WFDC3: variants seen among roughly 807,000 people sequenced by gnomAD.
The protein encoded by WFDC3 is WAP four-disulfide core domain 3.
Under a neutral mutation model 25.8 loss-of-function variants are expected in WFDC3, and 15 were observed. That is an observed-to-expected ratio of 0.58 (90% CI 0.39 to 0.89). The LOEUF is 0.89. WFDC3 is among the 40% of genes least tolerant of loss of function. WFDC3 has a pLI of 0.00. For synonymous variants in WFDC3, 103 were observed against 107.1 expected (o/e 0.96, Z 0.24); for missense variants, 264 against 289.8 (o/e 0.91, Z 0.65).
rs533287664 is a variant in WFDC3, at chr20:45,777,714, G to A, written c.359-505C>T. Among the ~76,000 whole-genome samples the A allele has an allele frequency of 3.3e-5, 5 of 152,260 alleles. No homozygotes were observed. In the East Asian group the frequency reaches 9.7e-4, roughly 29 times the overall value. On this transcript the variant is annotated intron_variant, in intron 4 of 6. Coordinates refer to ENST00000243938, the MANE Select transcript of WFDC3 (RefSeq NM_080614.2). ...TATTTATTTATTTTGTAGAGACAGA[G>A]TCTCACTATGTTCCCTAGGCTGATA...
At chr20:45,783,797 A>C (rs1980552607) in intron 4 of WFDC3, among the ~76,000 whole-genome samples, 1 of 152,192 alleles carries the variant, frequency 6.6e-6, no homozygotes, top group African/African-American at 2.4e-5. Context: ...AATTTTTCAT[A>C]GCCCTGGAAG....
Position 45,777,155 on chromosome 20 carries a change from T to A in WFDC3, c.413A>T (p.Asp138Val), listed in dbSNP as rs1360553632. 6 of 1,605,802 alleles carry A rather than the reference T, an allele frequency of 3.7e-6. No homozygotes were observed. The highest frequency in any genetic ancestry group is 1.3e-5 in the African/African-American group (1 of 74,412). Residue 138 changes from aspartate (D) to valine (V), a missense_variant, in exon 5 of 7, where the codon GAT (aspartate) becomes GTT (valine). By Grantham distance (152) the Asp-to-Val change is radical. Transcript: ENST00000243938. ...CCCCTGGGGACAGGATGCATCCCCA[T>A]CACACAGCTCCTCACACGGAAGGGG... ...ADPLPCEELCDGDASCPQGHK... is the reference protein window; with the variant it reads ...ADPLPCEELCVGDASCPQGHK...
At chr20:45,790,911 A>T (rs773541253) in intron 1 of WFDC3, 29 of 471,026 alleles carry the variant, frequency 6.2e-5, no homozygotes, top group Non-Finnish European at 1.0e-4. Context: ...TATGACTCAA[A>T]TAGTCTGCCC....
At chr20:45,776,637 T>A (rs200936102) in intron 5 of WFDC3, among the ~76,000 whole-genome samples, 3,175 of 78,996 alleles carry the variant, frequency 0.04, 66 homozygotes, top group East Asian at 0.084. Context: ...AAAAAAAAAA[T>A]ATATATATAT....
Position 45,774,253 on chromosome 20 carries a change from C to T in WFDC3, c.*175G>A. On this transcript the variant is annotated 3_prime_UTR_variant, in exon 7 of 7. Transcript: ENST00000243938. ...ATCGGGAAAGAGAAGCACCACACACCCACTACCCAATCCAGGGCTATTTCC... is the reference window on the plus strand; with the variant it reads ...ATCGGGAAAGAGAAGCACCACACACTCACTACCCAATCCAGGGCTATTTCC... The T allele has an allele frequency of 1.2e-6, 1 of 814,174 alleles. No individual in the cohort carries two copies. Among genetic ancestry groups the T allele is most frequent in the Admixed American group, 2.3e-5 (1 of 43,896 alleles). The allele number at this position is 814,174 out of a possible 1,614,324, so 50.4% of individuals were successfully genotyped here. A position where few individuals can be genotyped will look rare whatever the true frequency, so the allele number is the denominator to read the frequency against.
Position 45,789,925 on chromosome 20 carries a change from A to G in WFDC3, c.51T>C (p.Ser17=), listed in dbSNP as rs3746493. 1,055,795 of 1,613,198 alleles carry G rather than the reference A, an allele frequency of 0.65. 347,808 individuals carry two copies. Among genetic ancestry groups the G allele is most frequent in the Admixed American group, 0.77 (45,961 of 59,958 alleles). ...CTCCTGCAGTTATCCAGGATTCCAG[A>G]GACCCAAGAGCAAGAAGTGCCTTCA... is the stretch of plus-strand genomic sequence containing the variant. The part of the protein sequence containing the change: ...FLLKALLALG[S]LESWITAGEH... Residue 17 remains serine (S), a synonymous_variant, in exon 2 of 7, where the codon TCT becomes TCC. Coordinates refer to ENST00000243938, the MANE Select transcript of WFDC3 (RefSeq NM_080614.2).
intron 5 of WFDC3, among the ~76,000 whole-genome samples, chr20:45,776,654 A>G (rs1270100149): frequency 1.1e-4 from 12 of 111,344 alleles, no homozygotes; most frequent in Admixed American, 7.0e-4. Context: ...ATATATATAT[A>G]TATATATGTG....
chr20:45,775,924 C>T (rs1220787247), intron 5 of WFDC3, among the ~76,000 whole-genome samples: 2 of 152,176 alleles, frequency 1.3e-5, no homozygotes, highest in African/African-American at 4.8e-5. Context: ...CCCCCTCCCC[C>T]TATGCTCTGG....
rs1275219936 is a variant in WFDC3 at position 45,788,236 on chromosome 20, A to G, written c.212-254T>C. On this transcript the variant is annotated intron_variant, in intron 3 of 6. Transcript: ENST00000243938. ...GGAGAATCACTTGAACCCGGGAGGC[A>G]GAGGTTGCGGTGAGCCGAGATCACG... 35 of 281,908 alleles carry G rather than the reference A, an allele frequency of 1.2e-4. No individual in the cohort carries two copies. The Admixed American group carries it at 1.7e-3, about 14-fold the overall frequency. The allele number at this position is 281,908 out of a possible 1,614,324, so 17.5% of individuals were successfully genotyped here. A position where few individuals can be genotyped will look rare whatever the true frequency, so the allele number is the denominator to read the frequency against.
chr20:45,787,440 G>A (rs1267457966), intron 4 of WFDC3, among the ~76,000 whole-genome samples: 1 of 151,506 alleles, frequency 6.6e-6, no homozygotes, highest in African/African-American at 2.4e-5. Context: ...ACAGGCACCC[G>A]CCACCACGCC....
At chr20:45,790,090 A>G in intron 1 of WFDC3, 108 bp from the exon 2 acceptor site, 2 of 727,142 alleles carry the variant, frequency 2.8e-6, no homozygotes, top group Non-Finnish European at 4.6e-6. Flanking sequence ...CAGTCCCAAA[A>G]CCTTCCCTTT....
chr20:45,775,176 C>G (rs1297955210), intron 6 of WFDC3, among the ~76,000 whole-genome samples: 1 of 152,016 alleles, frequency 6.6e-6, no homozygotes, highest in Non-Finnish European at 1.5e-5. Flanking sequence ...GGAGCCACAC[C>G]TGGGAACAGG....
chr20:45,782,668 G>A (rs6065891), intron 4 of WFDC3, among the ~76,000 whole-genome samples: 67,400 of 151,754 alleles, frequency 0.44, 18,111 homozygotes, highest in Non-Finnish European at 0.6. Context: ...CAGCCACTGC[G>A]TTCGGCCGCC....
chr20:45,790,777 T>C (rs777031404), intron 1 of WFDC3, among the ~76,000 whole-genome samples: 2 of 150,566 alleles, frequency 1.3e-5, no homozygotes, highest in Non-Finnish European at 3.0e-5. Context: ...AGAAAAGCAG[T>C]AGTTGAGTTT....
chr20:45,776,278 C>CTCTGTGTGTGTGTGTGTGTG (rs1555812707), intron 5 of WFDC3, among the ~76,000 whole-genome samples: 10 of 101,952 alleles, frequency 9.8e-5, no homozygotes, highest in Non-Finnish European at 2.1e-4. Flanking sequence ...GCTTTTATCT[C>CTCTGTGTGTGTGTGTGTGTG]TGTGTGTGTG....
intron 4 of WFDC3, among the ~76,000 whole-genome samples, chr20:45,779,314 C>T (rs1980334769): frequency 1.3e-5 from 2 of 152,214 alleles, no homozygotes; most frequent in Non-Finnish European, 2.9e-5. Context: ...CCCAGTGCCT[C>T]TGAGTAGGAA....
At chr20:45,787,327 G>A (rs1980727075) in intron 4 of WFDC3, among the ~76,000 whole-genome samples, 1 of 107,992 alleles carries the variant, frequency 9.3e-6, no homozygotes, top group South Asian at 3.2e-4. Context: ...GTCTCGCTCT[G>A]TCACCCAGGC....
At chr20:45,786,950 C>T (rs968599637) in intron 4 of WFDC3, among the ~76,000 whole-genome samples, 2 of 151,578 alleles carry the variant, frequency 1.3e-5, no homozygotes, top group South Asian at 2.1e-4. Context: ...AAAAATTAGC[C>T]GGGTGTGGTG....
chr20:45,788,844 C>G, intron 3 of WFDC3, 87 bp downstream of exon 3: 1 of 1,506,244 alleles, frequency 6.6e-7, no homozygotes, highest in Non-Finnish European at 8.8e-7. Flanking sequence ...CAGAGGCAAC[C>G]TAGAAGGTGG....
Sources: allele counts gnomAD v4.1 joint callset (sites outside exome capture counted in the v4.1 genomes callset), GRCh38; gene constraint gnomAD v4.1.1; transcripts MANE v1.5; gene names NCBI Gene and HGNC (gene_info 2026-07-23, HGNC 2026-07-21).